Variants in TRAF6 observed in about 807,000 individuals in gnomAD.
TRAF6 encodes TNF receptor associated factor 6, also known as TNF receptor-associated factor 6.
TRAF6 carries 10 observed loss-of-function variants against 48.4 expected under a neutral mutation model. The observed-to-expected ratio is 0.21, with a 90% CI of 0.13 to 0.35. The LOEUF is 0.35. Among genes scored for constraint, TRAF6 ranks in the 10% least tolerant of loss-of-function variants. The pLI, the probability that TRAF6 is intolerant of heterozygous loss-of-function variation, is 1.00. For synonymous variants in TRAF6, 186 were observed against 219.6 expected (o/e 0.85, Z 1.35); for missense variants, 397 against 661.0 (o/e 0.60, Z 4.38).
chr11:36,494,630 AAT>A (rs5030467), intron 5 of TRAF6, among the ~76,000 whole-genome samples: 9 of 150,130 alleles, frequency 6.0e-5, no homozygotes, highest in Non-Finnish European at 7.4e-5. Context: ...ACAGTGTGTA[AAT>A]ATATATATAT....
At position 36,501,241 on chromosome 11, in the gene TRAF6, G is replaced by C; in HGVS notation, c.275C>G (p.Ala92Gly). The C allele has an allele frequency of 1.2e-6, 2 of 1,606,216 alleles. No individual in the cohort carries two copies. Among genetic ancestry groups the C allele is most frequent in the Non-Finnish European group, 1.7e-6 (2 of 1,176,136 alleles). ...QTPCGHRFCK[A>G]CIIKSIRDAG... is the part of the protein sequence containing the mutation. Reference sequence around the variant, plus strand: ...GTACCTTATTGATTTTATGATGCAGGCTTTGCAGAACCTATGGCCGCATGG... The same window carrying C: ...GTACCTTATTGATTTTATGATGCAGCCTTTGCAGAACCTATGGCCGCATGG... Residue 92 changes from alanine to glycine, a missense_variant, in exon 2 of 7, where the codon GCC becomes GGC. Transcript: ENST00000526995.
intron 1 of TRAF6, among the ~76,000 whole-genome samples, chr11:36,502,874 GAGA>G (rs1383895007): frequency 2.0e-5 from 3 of 152,146 alleles, no homozygotes; most frequent in East Asian, 1.9e-4. Flanking sequence ...TTGAGTTACT[GAGA>G]AGATTAAATG....
chr11:36,493,287 A>G (rs891555898), intron 5 of TRAF6, among the ~76,000 whole-genome samples: 1 of 152,232 alleles, frequency 6.6e-6, no homozygotes, highest in Non-Finnish European at 1.5e-5. Flanking sequence ...CCCTTTAGAA[A>G]TTTAATGTAG....
rs1859555618 is a variant in TRAF6 at position 36,490,971 on chromosome 11, C to G, written c.757-321G>C. ...CTCCAAGATTAACATTCTACCTGTG[C>G]TCTAAATGTTACCTGACCTGTTGCG... is the stretch of plus-strand genomic sequence containing the variant. On this transcript the variant is annotated intron_variant, in intron 6 of 6. Transcript: ENST00000526995. The surrounding 1 kb of genome is among the most constrained non-coding windows in gnomAD (Gnocchi z 6.4). Among the ~76,000 whole-genome samples, 1 of 152,190 alleles carries G rather than the reference C, an allele frequency of 6.6e-6. No homozygotes were observed. The highest frequency in any genetic ancestry group is 6.5e-5 in the Admixed American group (1 of 15,284).
Position 36,501,400 on chromosome 11 carries a change from G to T in TRAF6, c.116C>A (p.Thr39Asn). 6.2e-7 allele frequency: 1 copy of T among 1,614,140 alleles called. No homozygotes were observed. Among genetic ancestry groups the T allele is most frequent in the Non-Finnish European group, 8.5e-7 (1 of 1,180,028 alleles). Residue 39 changes from threonine to asparagine, a missense_variant, in exon 2 of 7, where the codon ACT (threonine) becomes AAT (asparagine). This residue lies in a region of TRAF6 where 73 missense variants were observed against 87.3 expected (regional missense o/e 0.84). Transcript: ENST00000526995. ...AVTKDDSVGG[T>N]ASTGNLSSSF... ...GCTGGAGAGGTTCCCCGTGCTGGCA[G>T]TTCCACCCACACTATCATCTTTTGT...
rs1341575682 is a variant in TRAF6, at chr11:36,489,409, G to A, written c.*429C>T. 3 of 161,128 alleles carry A rather than the reference G, an allele frequency of 1.9e-5. No individual in the cohort carries two copies. Among genetic ancestry groups the A allele is most frequent in the African/African-American group, 7.2e-5 (3 of 41,510 alleles). The allele number at this position is 161,128 out of a possible 1,614,324, so 10.0% of individuals were successfully genotyped here. On this transcript the variant is annotated 3_prime_UTR_variant, in exon 7 of 7. Transcript: ENST00000526995. Reference sequence around the variant, plus strand: ...ACTCTTCTCGAGGGCACTAGCACAAGGCGGTAGTGATTTTCACTTTTAATA... The same window carrying A: ...ACTCTTCTCGAGGGCACTAGCACAAAGCGGTAGTGATTTTCACTTTTAATA...
chr11:36,498,483 T>G lies in TRAF6; in HGVS notation c.447+7A>C. 1.2e-6 allele frequency: 2 copies of G among 1,604,636 alleles called. No homozygotes were observed. The highest frequency in any genetic ancestry group is 8.5e-7 in the Non-Finnish European group (1 of 1,177,466). On this transcript the variant is annotated splice_region_variant and intron_variant, in intron 3 of 6. Transcript: ENST00000526995. ...ATGTGCTAACAGCTAGAAAAGAACT[T>G]TAATACCTCAAGATGTCTCAGTTCC... is the stretch of plus-strand genomic sequence containing the variant.
chr11:36,494,925 C>A, intron 5 of TRAF6, 51 bp downstream of exon 5: 1 of 1,294,776 alleles, frequency 7.7e-7, no homozygotes, highest in South Asian at 1.3e-5. Context: ...AAACCTAATT[C>A]ACTTCTTTAA....
rs547992297 is a variant in TRAF6 at position 36,498,437 on chromosome 11, T to C, written c.447+53A>G. On this transcript the variant is annotated intron_variant, in intron 3 of 6. Coordinates refer to ENST00000526995, the MANE Select transcript of TRAF6 (RefSeq NM_004620.4). The stretch of plus-strand genomic sequence containing the variant: ...GATGGACACAGCAAAGTCCCTATTC[T>C]GTAGGAACTTCCTTTTATACATGTG... The C allele has an allele frequency of 1.4e-4, 221 of 1,535,358 alleles. 3 individuals carry two copies. In the South Asian group the frequency reaches 1.5e-3, roughly 11 times the overall value.
In TRAF6 at chr11:36,490,010, C is replaced by T; in HGVS notation, c.1397G>A (p.Arg466Gln). 1 of 1,614,116 alleles carries T rather than the reference C, an allele frequency of 6.2e-7. No homozygotes were observed. Residue 466 changes from arginine (R) to glutamine (Q), a missense_variant, in exon 7 of 7, where the codon CGG (arginine) becomes CAG (glutamine). Arg to Gln is a conservative substitution (Grantham distance 43). Transcript: ENST00000526995. The surrounding 1 kb of genome is among the most constrained non-coding windows in gnomAD (Gnocchi z 6.4). ...TACATAGCCAAAACCTTTTGGGTTC[C>T]GTGGGATTGTGGGTCGCTGGAAAGC... is the stretch of plus-strand genomic sequence containing the variant. ...LLAFQRPTIP[R>Q]NPKGFGYVTF...
At chr11:36,497,393 G>T in intron 3 of TRAF6, 127 bp from the exon 4 acceptor site, 1 of 799,044 alleles carries the variant, frequency 1.3e-6, no homozygotes, top group Non-Finnish European at 1.8e-6. Flanking sequence ...GCACACCACA[G>T]AACCATTCAC....
At chr11:36,500,733 A>T (rs1694309369) in intron 2 of TRAF6, among the ~76,000 whole-genome samples, 1 of 152,132 alleles carries the variant, frequency 6.6e-6, no homozygotes, top group Non-Finnish European at 1.5e-5. Flanking sequence ...ATGAAGGTAG[A>T]GCCTTCAGTT....
At chr11:36,498,662 C>A in intron 2 of TRAF6, 22 bp from the exon 3 acceptor site, 1 of 1,583,220 alleles carries the variant, frequency 6.3e-7, no homozygotes, top group Non-Finnish European at 8.6e-7. Context: ...AAAATACACA[C>A]AATTAGATTT....
chr11:36,505,448 C>T (rs1184839892), intron 1 of TRAF6, among the ~76,000 whole-genome samples: 2 of 152,194 alleles, frequency 1.3e-5, no homozygotes, highest in African/African-American at 4.8e-5. Context: ...TTTGCAGCTT[C>T]CTCACCTCTC....
chr11:36,497,364 T>G, intron 3 of TRAF6, 98 bp from the exon 4 acceptor site: 1 of 1,176,520 alleles, frequency 8.5e-7, no homozygotes, highest in South Asian at 1.6e-5. Context: ...AGCAGGCTAC[T>G]GAACCTACTT....
rs1859531152 is a variant in TRAF6 at position 36,489,438 on chromosome 11, T to A, written c.*400A>T. The A allele has an allele frequency of 5.8e-6, 1 of 173,064 alleles. No homozygotes were observed. Among genetic ancestry groups the A allele is most frequent in the Non-Finnish European group, 1.2e-5 (1 of 80,180 alleles). 10.7% of individuals were successfully genotyped at this position (173,064 alleles called of 1,614,324 possible). ...GTAGTGATTTTCACTTTTAATATAT[T>A]ACATATAATACTACAAAAAGACTGA... On this transcript the variant is annotated 3_prime_UTR_variant, in exon 7 of 7. Coordinates refer to ENST00000526995, the MANE Select transcript of TRAF6 (RefSeq NM_004620.4).
chr11:36,492,690 G>C (rs375839927), intron 5 of TRAF6, 62 bp from the exon 6 acceptor site: 1 of 1,284,898 alleles, frequency 7.8e-7, no homozygotes, highest in East Asian at 2.3e-5. Context: ...AGTTTGATGC[G>C]ATCACATTTA....
intron 1 of TRAF6, among the ~76,000 whole-genome samples, chr11:36,503,721 G>A (rs1564969085): frequency 1.3e-5 from 2 of 152,182 alleles, no homozygotes; most frequent in African/African-American, 2.4e-5. Context: ...GAAAATAGCA[G>A]AACTAGTCAC....
At chr11:36,503,110 A>G (rs1024816511) in intron 1 of TRAF6, among the ~76,000 whole-genome samples, 2 of 152,144 alleles carry the variant, frequency 1.3e-5, no homozygotes, top group African/African-American at 4.8e-5. Flanking sequence ...TTTGTAATAC[A>G]CTACTTTTAT....
Sources: gnomAD v4.1 joint callset for allele counts (sites outside exome capture counted in the v4.1 genomes callset) on GRCh38, gnomAD v4.1.1 for gene constraint, gnomAD v4.1.1 regional missense constraint, Gnocchi (gnomAD v3.1) non-coding constraint, MANE v1.5 for transcripts, NCBI Gene and HGNC (gene_info 2026-07-23, HGNC 2026-07-21) for gene names.